Variants in CNTNAP4 observed in about 807,000 individuals in gnomAD.
The protein encoded by CNTNAP4 is contactin-associated protein-like 4.
A neutral mutation model predicts 148.4 loss-of-function variants in CNTNAP4; 98 were observed. The ratio of observed to expected loss-of-function variants is 0.66; its 90% confidence interval spans 0.56 to 0.78. The LOEUF is 0.78. Among genes scored for constraint, CNTNAP4 ranks in the 30% least tolerant of loss-of-function variants. The probability of loss-of-function intolerance (pLI) is 0.00; values close to 1 mark genes in which losing one functional copy is unlikely to be tolerated. For synonymous variants in CNTNAP4, 730 were observed against 565.1 expected (o/e 1.29, Z -4.14); for missense variants, 1,935 against 1,565.6 (o/e 1.24, Z -3.98).
At position 76,448,822 on chromosome 16, in the gene CNTNAP4, G is replaced by T. The variant is rs201726522; in HGVS notation, c.798G>T (p.Leu266=). 8.4e-5 allele frequency: 136 copies of T among 1,612,256 alleles called. No individual in the cohort carries two copies. The highest frequency in any genetic ancestry group is 3.0e-5 in the Non-Finnish European group (35 of 1,179,328). ...TGGTCAATCTCACCCTGGGCAGCCT[G>T]CTAGATGATCAGCATTGGCATTCAG... is the stretch of plus-strand genomic sequence containing the variant. ...STLVNLTLGS[L]LDDQHWHSVL... Residue 266 remains leucine (L), a synonymous_variant, in exon 6 of 24, where the codon CTG becomes CTT. Coordinates refer to ENST00000611870, the MANE Select transcript of CNTNAP4 (RefSeq NM_033401.5).
intron 15 of CNTNAP4, among the ~76,000 whole-genome samples, chr16:76,516,052 C>T (rs543711983): frequency 3.9e-5 from 6 of 152,136 alleles, no homozygotes; most frequent in Non-Finnish European, 5.9e-5. Flanking sequence ...TTTTAAGCCC[C>T]GCATCCATTA....
intron 3 of CNTNAP4, among the ~76,000 whole-genome samples, chr16:76,416,448 A>G (rs143348047): frequency 6.6e-6 from 1 of 151,226 alleles, no homozygotes; most frequent in East Asian, 1.9e-4. Context: ...GCGTATTTTG[A>G]TGTTATATTT....
rs995869784 is a variant in CNTNAP4 at position 76,476,045 on chromosome 16, T to C, written c.1762T>C (p.Ser588Pro). Residue 588 changes from serine (S) to proline (P), a missense_variant and splice_region_variant, in exon 11 of 24, where the codon TCT (serine) becomes CCT (proline). Coordinates refer to ENST00000611870, the MANE Select transcript of CNTNAP4 (RefSeq NM_033401.5). ...TGYRGATCHN[S>P]IYEQSCEAYK... is the part of the protein sequence containing the mutation. The stretch of plus-strand genomic sequence containing the variant: ...TTACAGAGGAGCTACTTGCCATAAC[T>C]GTAAGCGGAACACATCTGCTTTTTC... 1.2e-6 allele frequency: 2 copies of C among 1,605,218 alleles called. No homozygotes were observed. The highest frequency in any genetic ancestry group is 2.7e-5 in the African/African-American group (2 of 74,766).
intron 1 of CNTNAP4, among the ~76,000 whole-genome samples, chr16:76,315,945 T>C (rs1274142950): frequency 6.6e-6 from 1 of 152,196 alleles, no homozygotes; most frequent in Non-Finnish European, 1.5e-5. Flanking sequence ...ATGTGTGTCA[T>C]GATTTAAAGG....
At chr16:76,371,056 C>T (rs768865314) in intron 3 of CNTNAP4, among the ~76,000 whole-genome samples, 2 of 152,116 alleles carry the variant, frequency 1.3e-5, no homozygotes, top group South Asian at 2.1e-4. Context: ...GCCACATAAT[C>T]GACACTGAGT....
At chr16:76,277,857 G>A in intron 1 of CNTNAP4, 110 bp downstream of exon 1, 1 of 721,176 alleles carries the variant, frequency 1.4e-6, no homozygotes, top group South Asian at 1.6e-5. Flanking sequence ...AAAGCGTATT[G>A]CTGTAAACCA....
intron 3 of CNTNAP4, among the ~76,000 whole-genome samples, chr16:76,360,917 C>T (rs8045715): frequency 0.019 from 2,803 of 150,070 alleles, 97 homozygotes; most frequent in African/African-American, 0.064. Context: ...CCTGGGTTCA[C>T]ACCATTCTCC....
chr16:76,510,974 G>T (rs953333422), intron 15 of CNTNAP4, among the ~76,000 whole-genome samples: 1 of 151,986 alleles, frequency 6.6e-6, no homozygotes, highest in African/African-American at 2.4e-5. Flanking sequence ...ATCCTTAAAG[G>T]TCACTAATTT....
intron 4 of CNTNAP4, among the ~76,000 whole-genome samples, chr16:76,437,859 A>G (rs2079888946): frequency 6.6e-6 from 1 of 152,178 alleles, no homozygotes; most frequent in South Asian, 2.1e-4. Context: ...ACGGTTCACA[A>G]CAAGGGAGAA....
At position 76,467,328 on chromosome 16, in the gene CNTNAP4, C is replaced by T. The variant is rs750375373; in HGVS notation, c.1484-24C>T. On this transcript the variant is annotated intron_variant, in intron 9 of 23. Coordinates refer to ENST00000611870, the MANE Select transcript of CNTNAP4 (RefSeq NM_033401.5). ...GAATTCTGATTCATTGTGATGCGTA[C>T]TGGATTTATTTCGTTTTTATCAGGT... 1.4e-5 allele frequency: 23 copies of T among 1,609,544 alleles called. No homozygotes were observed. The South Asian group carries it at 2.3e-4, about 16-fold the overall frequency.
chr16:76,379,492 GA>G (rs2015753623), intron 3 of CNTNAP4, among the ~76,000 whole-genome samples: 1 of 152,118 alleles, frequency 6.6e-6, no homozygotes, highest in South Asian at 2.1e-4. Flanking sequence ...TCCTTTAACT[GA>G]GTCAATTCCA....
chr16:76,334,120 A>G (rs573507693), intron 2 of CNTNAP4, among the ~76,000 whole-genome samples: 1 of 151,988 alleles, frequency 6.6e-6, no homozygotes, highest in Admixed American at 6.5e-5. Flanking sequence ...AACATGGCAC[A>G]TGTATACATG....
intron 1 of CNTNAP4, among the ~76,000 whole-genome samples, chr16:76,281,364 T>C (rs1163763439): frequency 6.6e-6 from 1 of 152,108 alleles, no homozygotes; most frequent in Non-Finnish European, 1.5e-5. Flanking sequence ...TGACTCACTT[T>C]TCTAATAGCA....
chr16:76,539,000 T>C (rs2084336276), intron 19 of CNTNAP4, among the ~76,000 whole-genome samples: 1 of 152,062 alleles, frequency 6.6e-6, no homozygotes, highest in South Asian at 2.1e-4. Flanking sequence ...TTTCAACTGA[T>C]TCAAATATAT....
At chr16:76,418,014 C>G (rs894939302) in intron 3 of CNTNAP4, among the ~76,000 whole-genome samples, 16 of 151,782 alleles carry the variant, frequency 1.1e-4, no homozygotes, top group African/African-American at 3.9e-4. Flanking sequence ...TCGATGCCCT[C>G]TGCTTCTTCC....
At chr16:76,490,296 C>T (rs1011238508) in intron 13 of CNTNAP4, among the ~76,000 whole-genome samples, 3 of 152,166 alleles carry the variant, frequency 2.0e-5, no homozygotes, top group African/African-American at 7.2e-5. Context: ...GTGCCTCTTT[C>T]TCATGGATTG....
chr16:76,446,087 GA>G (rs11312883), intron 4 of CNTNAP4, among the ~76,000 whole-genome samples: 150,356 of 152,160 alleles, frequency 0.99, 74,313 homozygotes, highest in East Asian at 1. Flanking sequence ...AGCAAAATGT[GA>G]AAAAAATAAA....
Position 76,277,659 on chromosome 16 carries a change from G to A in CNTNAP4, c.-4G>A, listed in dbSNP as rs768025621. The A allele has an allele frequency of 2.5e-6, 4 of 1,596,912 alleles. No individual in the cohort carries two copies. The highest frequency in any genetic ancestry group is 3.4e-6 in the Non-Finnish European group (4 of 1,170,312). On this transcript the variant is annotated 5_prime_UTR_variant, in exon 1 of 24. An upstream open reading frame in the 5' UTR loses its in-frame stop. Coordinates refer to ENST00000611870, the MANE Select transcript of CNTNAP4 (RefSeq NM_033401.5). ...TCTTTTGGGGGAGCCCAATAAATGT[G>A]AACATGGGATCTGTCACGGGAGCTG...
Position 76,355,303 on chromosome 16 carries a change from T to G in CNTNAP4, c.197-15T>G. 6.7e-7 allele frequency: 1 copy of G among 1,496,714 alleles called. No individual in the cohort carries two copies. Among genetic ancestry groups the G allele is most frequent in the East Asian group, 2.4e-5 (1 of 40,820 alleles). 92.7% of individuals were successfully genotyped at this position (1,496,714 alleles called of 1,614,324 possible). ...TCCTTTCTCAATTTTCTCCTGTTTC[T>G]ATTTTTAATAAAAGGAGCTGGTGGC... On this transcript the variant is annotated splice_polypyrimidine_tract_variant and intron_variant, in intron 2 of 23. Transcript: ENST00000611870.
Sources: gnomAD v4.1 joint callset for allele counts (sites outside exome capture counted in the v4.1 genomes callset) on GRCh38, gnomAD v4.1.1 for gene constraint, MANE v1.5 for transcripts, NCBI Gene and HGNC (gene_info 2026-07-23, HGNC 2026-07-21) for gene names.